The following CEMIP variants were observed in gnomAD, a reference collection of about 807,000 sequenced individuals.
The protein encoded by CEMIP is cell migration inducing hyaluronidase 1.
In CEMIP, 105 loss-of-function variants were observed where a neutral mutation model predicts 156.9. The observed-to-expected ratio is 0.67, with a 90% CI of 0.57 to 0.79. The LOEUF (loss-of-function observed/expected upper bound fraction) is 0.79, where lower values mean the gene tolerates loss of function less well. CEMIP is among the 30% of genes least tolerant of loss of function. The pLI is 0.00. For synonymous variants in CEMIP, 676 were observed against 668.4 expected (o/e 1.01, Z -0.17); for missense variants, 1,457 against 1,769.4 (o/e 0.82, Z 3.17).
At chr15:80,881,614 G>A (rs955861585) in intron 6 of CEMIP, among the ~76,000 whole-genome samples, 4 of 152,334 alleles carry the variant, frequency 2.6e-5, no homozygotes, top group East Asian at 1.9e-4. Flanking sequence ...GGAGCACAGC[G>A]AGTGGCGGAA....
At chr15:80,929,914 G>A (rs1436585112) in intron 21 of CEMIP, among the ~76,000 whole-genome samples, 1 of 152,208 alleles carries the variant, frequency 6.6e-6, no homozygotes, top group East Asian at 1.9e-4. Context: ...GAGCAAACAG[G>A]GATAATGGAC....
chr15:80,802,404 G>A (rs985428125), intron 1 of CEMIP, among the ~76,000 whole-genome samples: 2 of 152,176 alleles, frequency 1.3e-5, no homozygotes, highest in Admixed American at 6.5e-5. Context: ...TCAGCTGGGC[G>A]TGGGCAGGCC....
chr15:80,846,996 T>C (rs939846951), intron 1 of CEMIP, among the ~76,000 whole-genome samples: 9 of 152,164 alleles, frequency 5.9e-5, no homozygotes, highest in Non-Finnish European at 2.9e-5. Context: ...TAGGAAATTG[T>C]GTATTTTAGA....
At chr15:80,874,002 T>C (rs774795969) in intron 3 of CEMIP, 29 bp downstream of exon 3, 10 of 1,540,254 alleles carry the variant, frequency 6.5e-6, no homozygotes, top group Non-Finnish European at 8.8e-6. Flanking sequence ...TGGACCTCTG[T>C]ATCTCAGCAT....
At chr15:80,817,626 T>TAAA (rs1896817404) in intron 1 of CEMIP, among the ~76,000 whole-genome samples, 1 of 148,348 alleles carries the variant, frequency 6.7e-6, no homozygotes, top group African/African-American at 2.5e-5. Context: ...ATAATAATAA[T>TAAA]AATAATAATA....
chr15:80,948,277 G>A, intron 29 of CEMIP: 1 of 205,074 alleles, frequency 4.9e-6, no homozygotes, highest in Non-Finnish European at 1.0e-5. Context: ...TGGGTTTCAG[G>A]GGTTTAGAGT....
At chr15:80,805,239 G>C (rs528832667) in intron 1 of CEMIP, among the ~76,000 whole-genome samples, 1 of 152,268 alleles carries the variant, frequency 6.6e-6, no homozygotes, top group South Asian at 2.1e-4. Flanking sequence ...GGCTGCTAAA[G>C]GCTGTTTGCA....
intron 10 of CEMIP, among the ~76,000 whole-genome samples, chr15:80,894,214 C>T (rs1899132112): frequency 6.6e-6 from 1 of 152,264 alleles, no homozygotes; most frequent in Admixed American, 6.5e-5. Flanking sequence ...GAACAAAAGA[C>T]ATTAGGCGGC....
chr15:80,937,821 C>A lies in CEMIP; in HGVS notation c.3249C>A (p.Cys1083Ter). ...GCGACTGGATCCGAGTGGGGCTCTG[C>A]TACCCGCGAGGCACCACATTCTCCA... Reference protein sequence around the residue: ...NKGDWIRVGLCYPRGTTFSIL... With the variant: ...NKGDWIRVGL The change falls in exon 25 of 30, where the codon TGC becomes TGA. Residue 1083 changes from cysteine to a stop codon, truncating the protein, a stop_gained. Transcript: ENST00000394685. LOFTEE classifies it high-confidence loss of function. 1.2e-6 allele frequency: 2 copies of A among 1,614,224 alleles called. No homozygotes were observed. The highest frequency in any genetic ancestry group is 8.5e-7 in the Non-Finnish European group (1 of 1,180,032).
At chr15:80,796,834 C>T (rs1016692004) in intron 1 of CEMIP, among the ~76,000 whole-genome samples, 5 of 152,094 alleles carry the variant, frequency 3.3e-5, no homozygotes, top group Non-Finnish European at 5.9e-5. Flanking sequence ...CATTTTATGT[C>T]CATATAAGGC....
chr15:80,843,200 A>G lies in CEMIP; in HGVS notation c.-175-30338A>G, dbSNP rs147287218. Among the ~76,000 whole-genome samples, 829 of 152,278 alleles carry G rather than the reference A, an allele frequency of 5.4e-3. 7 individuals are homozygous for G. Among genetic ancestry groups the G allele is most frequent in the African/African-American group, 0.018 (760 of 41,546 alleles). ...GGCACCATCATGATCCTTACTTTTC[A>G]GGTGACTATTTTAAGGGTAAGAAAT... On this transcript the variant is annotated intron_variant, in intron 1 of 29. Transcript: ENST00000394685.
chr15:80,780,095 T>C (rs1273725487), intron 1 of CEMIP, among the ~76,000 whole-genome samples: 1 of 152,034 alleles, frequency 6.6e-6, no homozygotes, highest in Non-Finnish European at 1.5e-5. Flanking sequence ...TGCGCCCTGC[T>C]GCTCCTGCCT....
At chr15:80,819,317 C>T (rs1896858867) in intron 1 of CEMIP, among the ~76,000 whole-genome samples, 1 of 152,168 alleles carries the variant, frequency 6.6e-6, no homozygotes, top group Admixed American at 6.5e-5. Flanking sequence ...TCTGCAGTCT[C>T]ATGAGACAGG....
intron 1 of CEMIP, among the ~76,000 whole-genome samples, chr15:80,869,956 T>C (rs1343601249): frequency 7.9e-5 from 12 of 152,222 alleles, no homozygotes; most frequent in Admixed American, 7.8e-4. Context: ...TTTCATGCCA[T>C]GGACTGTCCT....
intron 1 of CEMIP, among the ~76,000 whole-genome samples, chr15:80,805,314 A>G (rs568392508): frequency 6.6e-6 from 1 of 152,222 alleles, no homozygotes; most frequent in South Asian, 2.1e-4. Context: ...TGTTTTGAAA[A>G]CCTGCCCCTT....
intron 5 of CEMIP, among the ~76,000 whole-genome samples, 190 bp downstream of exon 5, chr15:80,880,044 T>C (rs1345158934): frequency 1.3e-5 from 2 of 152,204 alleles, no homozygotes. Flanking sequence ...AGGCTTGTTA[T>C]TTATAGTGGC....
At chr15:80,936,919 A>C in intron 24 of CEMIP, 34 bp downstream of exon 24, 1 of 1,595,416 alleles carries the variant, frequency 6.3e-7, no homozygotes, top group Non-Finnish European at 8.6e-7. Flanking sequence ...CAGTGAGCTC[A>C]AAGCTGATAA....
At chr15:80,913,586 G>T (rs190090904) in intron 14 of CEMIP, among the ~76,000 whole-genome samples, 1 of 119,010 alleles carries the variant, frequency 8.4e-6, no homozygotes, top group Admixed American at 8.3e-5. Flanking sequence ...GATGATGACA[G>T]AACTGAGTTC....
chr15:80,922,258 G>C, intron 17 of CEMIP, 121 bp downstream of exon 17: 1 of 1,337,788 alleles, frequency 7.5e-7, no homozygotes, highest in Non-Finnish European at 1.1e-6. Flanking sequence ...TCTTAATGCT[G>C]GTCTCGAAGA....
Sources: allele counts gnomAD v4.1 joint callset (sites outside exome capture counted in the v4.1 genomes callset), GRCh38; gene constraint gnomAD v4.1.1; transcripts MANE v1.5; gene names NCBI Gene and HGNC (gene_info 2026-07-23, HGNC 2026-07-21).